The following DNAI4 variants were observed in gnomAD, a reference collection of about 807,000 sequenced individuals.
The protein encoded by DNAI4 is WD repeat domain 78.
In DNAI4, 85 loss-of-function variants were observed where a neutral mutation model predicts 105.8. That is an observed-to-expected ratio of 0.80 (90% CI 0.67 to 0.96). DNAI4 has a LOEUF of 0.96. DNAI4 is among the 40% of genes least tolerant of loss of function. The pLI, the probability that DNAI4 is intolerant of heterozygous loss-of-function variation, is 0.00. For synonymous variants in DNAI4, 352 were observed against 331.5 expected (o/e 1.06, Z -0.67); for missense variants, 1,014 against 1,005.6 (o/e 1.01, Z -0.11).
At chr1:66,868,668 C>T (rs749889941) in intron 6 of DNAI4, among the ~76,000 whole-genome samples, 1 of 152,160 alleles carries the variant, frequency 6.6e-6, no homozygotes, top group Non-Finnish European at 1.5e-5. Context: ...CAAACTACCA[C>T]ATTAGCTTTC....
intron 4 of DNAI4, 105 bp from the exon 5 acceptor site, chr1:66,875,042 G>T: frequency 9.1e-7 from 1 of 1,096,524 alleles, no homozygotes; most frequent in Non-Finnish European, 1.3e-6. Context: ...ATTGCAGGTG[G>T]TTTATATAGT....
intron 9 of DNAI4, among the ~76,000 whole-genome samples, chr1:66,839,268 C>A (rs1646097216): frequency 6.6e-6 from 1 of 152,002 alleles, no homozygotes; most frequent in African/African-American, 2.4e-5. Flanking sequence ...CCCCATCTCC[C>A]CAAAAAATTA....
At chr1:66,836,140 AAAAGAAAGAAAGAAAGAAAG>A (rs1165479234) in intron 10 of DNAI4, among the ~76,000 whole-genome samples, 13 of 96,068 alleles carry the variant, frequency 1.4e-4, no homozygotes, top group African/African-American at 4.8e-4. Context: ...AGAAAGAAAG[AAAAGAAAGAAAGAAAGAAAG>A]AAAGAAAGAA....
intron 4 of DNAI4, among the ~76,000 whole-genome samples, chr1:66,879,283 G>C (rs1647018813): frequency 1.3e-5 from 2 of 152,172 alleles, no homozygotes; most frequent in Non-Finnish European, 2.9e-5. Flanking sequence ...GAATCAGACA[G>C]GATATAGTCT....
rs577826029 is a variant in DNAI4 at position 66,814,560 on chromosome 1, C to G, written c.2497-380G>C. On this transcript the variant is annotated intron_variant, in intron 16 of 16. Transcript: ENST00000371026. ...ATTTTTTGTATTTTTAGTAGAGATACGGTTTCACTGTGTTAGCTAGGATGG... is the reference window on the plus strand; with the variant it reads ...ATTTTTTGTATTTTTAGTAGAGATAGGGTTTCACTGTGTTAGCTAGGATGG... Among the ~76,000 whole-genome samples, 204 of 152,118 alleles carry G rather than the reference C, an allele frequency of 1.3e-3. 1 individual carries two copies. Among genetic ancestry groups the G allele is most frequent in the South Asian group, 7.5e-3 (36 of 4,820 alleles).
intron 6 of DNAI4, among the ~76,000 whole-genome samples, chr1:66,869,846 A>C (rs138663398): frequency 1.3e-5 from 2 of 152,208 alleles, no homozygotes; most frequent in East Asian, 3.9e-4. Context: ...CTACTAGAAG[A>C]GGGAAAGCAG....
At chr1:66,830,066 ACTT>A (rs1645834533) in intron 13 of DNAI4, among the ~76,000 whole-genome samples, 1 of 152,190 alleles carries the variant, frequency 6.6e-6, no homozygotes, top group Non-Finnish European at 1.5e-5. Flanking sequence ...CTAAAGCAAT[ACTT>A]AGGGAAAAAT....
intron 15 of DNAI4, among the ~76,000 whole-genome samples, chr1:66,823,141 G>A (rs1447155915): frequency 5.5e-5 from 7 of 128,162 alleles, no homozygotes; most frequent in African/African-American, 1.7e-4. Flanking sequence ...TCCCACCTAC[G>A]AGTGACAATA....
At chr1:66,836,288 GAAAGAAAGAAAGAAAGAAAGAAAGAA>G (rs1224185182) in intron 10 of DNAI4, among the ~76,000 whole-genome samples, 55 of 148,354 alleles carry the variant, frequency 3.7e-4, no homozygotes, top group African/African-American at 1.3e-3. Context: ...AAGAAAGAAA[GAAAGAAAGAAAGAAAGAAAGAAAGAA>G]AGAAAGAAAG....
intron 16 of DNAI4, among the ~76,000 whole-genome samples, chr1:66,819,535 G>A (rs1328527655): frequency 6.6e-6 from 1 of 151,972 alleles, no homozygotes; most frequent in East Asian, 1.9e-4. Context: ...AGTATTCACT[G>A]AATGCCCATT....
chr1:66,919,197 C>T (rs1650284585), intron 1 of DNAI4: 6 of 382,716 alleles, frequency 1.6e-5, no homozygotes, highest in Admixed American at 2.6e-5. Context: ...ATCACGGGTA[C>T]ACATCCTGAA....
chr1:66,857,861 C>T (rs1423617245), intron 7 of DNAI4, among the ~76,000 whole-genome samples: 1 of 151,882 alleles, frequency 6.6e-6, no homozygotes, highest in Non-Finnish European at 1.5e-5. Context: ...GCTGGGATTA[C>T]AGGCGTGAGC....
At chr1:66,902,880 C>G (rs543376935) in intron 2 of DNAI4, among the ~76,000 whole-genome samples, 2 of 152,352 alleles carry the variant, frequency 1.3e-5, no homozygotes, top group African/African-American at 2.4e-5. Context: ...CTGGGCCATT[C>G]CATTCCATTG....
rs767840176 is a variant in DNAI4, at chr1:66,827,036, T to C, written c.2123A>G (p.Tyr708Cys). Residue 708 changes from tyrosine to cysteine, a missense_variant, in exon 15 of 17, where the codon TAT (tyrosine) becomes TGT (cysteine). Tyr to Cys is a radical substitution (Grantham distance 194). Coordinates refer to ENST00000371026, the MANE Select transcript of DNAI4 (RefSeq NM_024763.5). ...DTYRGHKGPV[Y>C]KVTWNPFCHD... ...ACAAAATGGATTCCATGTCACTTTA[T>C]ACACTGGACCCTAGAAATAAAAAAA... is the stretch of plus-strand genomic sequence containing the variant. 2 of 1,612,124 alleles carry C rather than the reference T, an allele frequency of 1.2e-6. No homozygotes were observed. Among genetic ancestry groups the C allele is most frequent in the South Asian group, 1.1e-5 (1 of 90,142 alleles).
intron 7 of DNAI4, among the ~76,000 whole-genome samples, chr1:66,858,810 C>T (rs1292597734): frequency 6.6e-6 from 1 of 152,040 alleles, no homozygotes; most frequent in Non-Finnish European, 1.5e-5. Context: ...ACTTCCTGAA[C>T]TTGATAAGGT....
At chr1:66,909,523 C>G (rs12042824) in intron 1 of DNAI4, among the ~76,000 whole-genome samples, 2 of 150,640 alleles carry the variant, frequency 1.3e-5, no homozygotes, top group Non-Finnish European at 3.0e-5. Context: ...AGGACACTCT[C>G]TTTGCTTGGT....
At chr1:66,888,479 G>A (rs1164141581) in intron 4 of DNAI4, among the ~76,000 whole-genome samples, 1 of 152,190 alleles carries the variant, frequency 6.6e-6, no homozygotes, top group Non-Finnish European at 1.5e-5. Flanking sequence ...CAGATCACGA[G>A]GTCAGCAGTT....
intron 2 of DNAI4, chr1:66,904,805 A>G (rs531119079): frequency 1.7e-5 from 3 of 177,012 alleles, no homozygotes; most frequent in East Asian, 2.9e-4. Context: ...CATTTGATTA[A>G]AAGTTTAAAA....
At chr1:66,864,813 C>A (rs1318327797) in intron 6 of DNAI4, among the ~76,000 whole-genome samples, 1 of 152,164 alleles carries the variant, frequency 6.6e-6, no homozygotes. Context: ...TGCACTCCAG[C>A]CTGGGCAACA....
Sources: gnomAD v4.1 joint callset for allele counts (sites outside exome capture counted in the v4.1 genomes callset) on GRCh38, gnomAD v4.1.1 for gene constraint, MANE v1.5 for transcripts, NCBI Gene and HGNC (gene_info 2026-07-23, HGNC 2026-07-21) for gene names.